The following KATNAL1 variants were observed in gnomAD, a reference collection of about 807,000 sequenced individuals.
The protein encoded by KATNAL1 is katanin p60 ATPase-containing subunit A-like 1.
A neutral mutation model predicts 55.2 loss-of-function variants in KATNAL1; 32 were observed. The observed-to-expected ratio is 0.58, with a 90% confidence interval of 0.44 to 0.78. The LOEUF (loss-of-function observed/expected upper bound fraction) is 0.78. Among genes scored for constraint, KATNAL1 ranks in the 30% least tolerant of loss-of-function variants. The pLI is 0.00. For missense variants in KATNAL1, 466 were observed against 600.9 expected, an observed-to-expected ratio of 0.78 and a Z score of 2.35; for synonymous variants, 193 against 193.6, an observed-to-expected ratio of 1.00 and a Z score of 0.02.
chr13:30,269,647 C>A (rs574634692), intron 3 of KATNAL1, among the ~76,000 whole-genome samples: 1 of 150,204 alleles, frequency 6.7e-6, no homozygotes, highest in East Asian at 2.0e-4. Flanking sequence ...CCTGGCCGCC[C>A]ATCGTCTGGG....
intron 3 of KATNAL1, among the ~76,000 whole-genome samples, chr13:30,273,445 C>T (rs929152882): frequency 5.3e-5 from 8 of 152,146 alleles, no homozygotes; most frequent in Admixed American, 5.2e-4. Context: ...AATCTTTAAG[C>T]CTCAGTGTCG....
At chr13:30,269,316 G>T (rs1168980303) in intron 3 of KATNAL1, among the ~76,000 whole-genome samples, 1 of 152,216 alleles carries the variant, frequency 6.6e-6, no homozygotes, top group African/African-American at 2.4e-5. Flanking sequence ...GCTCCTAACC[G>T]CGAGTGATCC....
chr13:30,227,764 CT>C (rs148803664), intron 8 of KATNAL1, among the ~76,000 whole-genome samples: 5 of 148,008 alleles, frequency 3.4e-5, no homozygotes, highest in Non-Finnish European at 3.0e-5. Flanking sequence ...TTTTTTCTTT[CT>C]TTTTTTTTTC....
chr13:30,225,213 G>A (rs1008288794), intron 9 of KATNAL1, among the ~76,000 whole-genome samples: 1 of 152,080 alleles, frequency 6.6e-6, no homozygotes, highest in Non-Finnish European at 1.5e-5. Context: ...CACCCCCACA[G>A]GTAGAGTTTG....
intron 1 of KATNAL1, among the ~76,000 whole-genome samples, chr13:30,303,009 A>T (rs1239471615): frequency 2.6e-5 from 4 of 152,232 alleles, no homozygotes; most frequent in Admixed American, 6.5e-5. Flanking sequence ...AAACTATAAA[A>T]AGTGCTCACT....
chr13:30,252,081 T>A (rs1286061319), intron 4 of KATNAL1, among the ~76,000 whole-genome samples: 1 of 152,214 alleles, frequency 6.6e-6, no homozygotes, highest in African/African-American at 2.4e-5. Flanking sequence ...CTGTATAGCA[T>A]AATGATTAAA....
At position 30,249,708 on chromosome 13, in the gene KATNAL1, C is replaced by A. The variant is rs141096271; in HGVS notation, c.492+5739G>T. 4.7e-4 allele frequency among the ~76,000 whole-genome samples: 71 copies of A among 152,226 alleles called. No homozygotes were observed. In the East Asian group the frequency reaches 0.013, roughly 29 times the overall value. ...CATTAGAAATCAGAACAGTGGTTAC[C>A]TTTGGGAAAGAGGTAAGTGGCAAGG... On this transcript the variant is annotated intron_variant, in intron 4 of 10. Transcript: ENST00000380615.
At chr13:30,276,466 T>C (rs79898583) in intron 3 of KATNAL1, among the ~76,000 whole-genome samples, 1,725 of 149,478 alleles carry the variant, frequency 0.012, 31 homozygotes, top group African/African-American at 0.039. Flanking sequence ...ATCAGAAGCA[T>C]CTCTGAAATG....
intron 1 of KATNAL1, among the ~76,000 whole-genome samples, chr13:30,301,861 A>C (rs1882875511): frequency 6.6e-6 from 1 of 152,136 alleles, no homozygotes. Flanking sequence ...TATTTTATGA[A>C]GTATGTATGT....
chr13:30,291,959 T>C (rs539070955), intron 1 of KATNAL1, among the ~76,000 whole-genome samples: 17 of 152,060 alleles, frequency 1.1e-4, no homozygotes, highest in African/African-American at 3.9e-4. Context: ...TGCTTTGACC[T>C]GGAAGGAGGA....
chr13:30,210,918 T>A (rs529526660), intron 9 of KATNAL1, among the ~76,000 whole-genome samples: 2 of 152,310 alleles, frequency 1.3e-5, no homozygotes, highest in East Asian at 1.9e-4. Flanking sequence ...TAAAGAACAT[T>A]TCCTGAAAAT....
At chr13:30,299,413 A>G (rs1314438805) in intron 1 of KATNAL1, among the ~76,000 whole-genome samples, 1 of 152,144 alleles carries the variant, frequency 6.6e-6, no homozygotes, top group Non-Finnish European at 1.5e-5. Flanking sequence ...TATAAGGAAT[A>G]TTTTTACTCT....
intron 4 of KATNAL1, among the ~76,000 whole-genome samples, chr13:30,253,108 T>C (rs544606448): frequency 7.9e-5 from 12 of 152,348 alleles, no homozygotes; most frequent in African/African-American, 2.6e-4. Flanking sequence ...TCACCTAAGC[T>C]GCCTCAAAAC....
intron 3 of KATNAL1, among the ~76,000 whole-genome samples, chr13:30,261,618 G>T (rs2137478548): frequency 6.6e-6 from 1 of 152,236 alleles, no homozygotes; most frequent in East Asian, 1.9e-4. Flanking sequence ...AAGAGACAAA[G>T]AAGGCCATTA....
At chr13:30,256,038 T>TA (rs1254735614) in intron 3 of KATNAL1, among the ~76,000 whole-genome samples, 1 of 152,232 alleles carries the variant, frequency 6.6e-6, no homozygotes, top group African/African-American at 2.4e-5. Context: ...TAAATAAGTC[T>TA]ATTTGTACAG....
At chr13:30,290,859 A>C (rs1249044334) in intron 1 of KATNAL1, among the ~76,000 whole-genome samples, 1 of 152,252 alleles carries the variant, frequency 6.6e-6, no homozygotes, top group Non-Finnish European at 1.5e-5. Flanking sequence ...ATGAAACATT[A>C]TAAATCATCT....
chr13:30,213,767 C>T (rs1484035914), intron 9 of KATNAL1, among the ~76,000 whole-genome samples: 12 of 152,274 alleles, frequency 7.9e-5, no homozygotes, highest in Admixed American at 2.6e-4. Flanking sequence ...ATTGATGGGA[C>T]GTATCTCAAA....
intron 2 of KATNAL1, among the ~76,000 whole-genome samples, chr13:30,282,954 C>CA (rs557715370): frequency 0.01 from 827 of 79,554 alleles, 12 homozygotes; most frequent in African/African-American, 0.033. Flanking sequence ...GACTCCGTCT[C>CA]AAAAAAAAAA....
intron 3 of KATNAL1, among the ~76,000 whole-genome samples, chr13:30,263,325 T>C (rs1450602540): frequency 6.6e-6 from 1 of 152,016 alleles, no homozygotes; most frequent in Non-Finnish European, 1.5e-5. Flanking sequence ...AGGGATGCCC[T>C]CTCTCACCAC....
Sources: gnomAD v4.1 joint callset for allele counts (sites outside exome capture counted in the v4.1 genomes callset) on GRCh38, gnomAD v4.1.1 for gene constraint, MANE v1.5 for transcripts, NCBI Gene and HGNC (gene_info 2026-07-23, HGNC 2026-07-21) for gene names.